Variants in TAF3 observed in about 807,000 individuals in gnomAD.
The protein encoded by TAF3 is transcription initiation factor TFIID subunit 3.
TAF3 carries 7 observed loss-of-function variants against 80.6 expected under a neutral mutation model. The observed-to-expected ratio is 0.09, with a 90% CI of 0.05 to 0.16. The LOEUF is 0.16. Ranked by LOEUF, TAF3 falls within the 10% of genes least tolerant of loss-of-function variation. The pLI is 1.00. For missense variants in TAF3, 921 were observed against 1,140.2 expected (o/e 0.81, Z 2.77); for synonymous variants, 444 against 446.1 (o/e 1.00, Z 0.06).
At chr10:7,858,878 A>G (rs756686597) in intron 2 of TAF3, among the ~76,000 whole-genome samples, 1 of 152,106 alleles carries the variant, frequency 6.6e-6, no homozygotes, top group African/African-American at 2.4e-5. Context: ...GTGTGTGCAT[A>G]TGAACATGTG....
At chr10:7,832,085 A>G (rs1433434947) in intron 2 of TAF3, among the ~76,000 whole-genome samples, 1 of 152,132 alleles carries the variant, frequency 6.6e-6, no homozygotes, top group African/African-American at 2.4e-5. Flanking sequence ...CAAATGTGTA[A>G]TACATTATTA....
chr10:7,953,123 A>T (rs1361372437), intron 2 of TAF3, among the ~76,000 whole-genome samples: 1 of 149,260 alleles, frequency 6.7e-6, no homozygotes, highest in African/African-American at 2.5e-5. Context: ...TGGTAGTAAT[A>T]CCCCGTGTTC....
intron 4 of TAF3, among the ~76,000 whole-genome samples, chr10:7,987,695 GA>G (rs1328842280): frequency 6.6e-6 from 1 of 152,206 alleles, no homozygotes; most frequent in African/African-American, 2.4e-5. Flanking sequence ...AAGAATTAGT[GA>G]AATCCTATTG....
intron 5 of TAF3, among the ~76,000 whole-genome samples, chr10:8,011,857 A>T (rs1367862544): frequency 6.6e-6 from 1 of 152,192 alleles, no homozygotes; most frequent in Non-Finnish European, 1.5e-5. Flanking sequence ...CCTGGAGATG[A>T]GTCCAACTGG....
intron 2 of TAF3, among the ~76,000 whole-genome samples, chr10:7,910,657 A>T (rs985152925): frequency 1.3e-5 from 2 of 152,208 alleles, no homozygotes; most frequent in African/African-American, 4.8e-5. Flanking sequence ...CTGGGATTAC[A>T]GGTGTGAGCC....
intron 4 of TAF3, among the ~76,000 whole-genome samples, chr10:7,999,558 G>A (rs1278607744): frequency 6.6e-6 from 1 of 150,766 alleles, no homozygotes; most frequent in Non-Finnish European, 1.5e-5. Context: ...CCAGGTTCAA[G>A]CAGTTCTCCC....
At chr10:7,958,419 A>T (rs1395417244) in intron 2 of TAF3, among the ~76,000 whole-genome samples, 1 of 152,202 alleles carries the variant, frequency 6.6e-6, no homozygotes, top group African/African-American at 2.4e-5. Flanking sequence ...TTTCTGCAGC[A>T]GTGAAAATAA....
intron 2 of TAF3, among the ~76,000 whole-genome samples, chr10:7,845,953 G>GTTT (rs1400264142): frequency 7.7e-6 from 1 of 129,846 alleles, no homozygotes; most frequent in African/African-American, 2.8e-5. Context: ...TGGTTTGTGT[G>GTTT]TTTTTGTTTT....
intron 4 of TAF3, among the ~76,000 whole-genome samples, chr10:7,980,116 G>A (rs1035388010): frequency 6.6e-6 from 1 of 151,962 alleles, no homozygotes; most frequent in African/African-American, 2.4e-5. Flanking sequence ...ACCTTGGGGG[G>A]GAATAATACT....
chr10:7,949,257 T>C (rs140543994), intron 2 of TAF3, among the ~76,000 whole-genome samples: 1 of 152,304 alleles, frequency 6.6e-6, no homozygotes, highest in African/African-American at 2.4e-5. Flanking sequence ...TGTAACGAAA[T>C]GCTGCCTTAA....
At chr10:8,007,550 C>G (rs1324127786) in intron 4 of TAF3, among the ~76,000 whole-genome samples, 1 of 119,768 alleles carries the variant, frequency 8.3e-6, no homozygotes, top group South Asian at 2.8e-4. Flanking sequence ...ATTGTTTTCT[C>G]TGTGTGTGAA....
chr10:7,863,627 ATAT>A (rs1171382600), intron 2 of TAF3, among the ~76,000 whole-genome samples: 1 of 48,910 alleles, frequency 2.0e-5, no homozygotes, highest in Non-Finnish European at 3.8e-5. Context: ...AAAAAAAAAA[ATAT>A]ATATATATAT....
Position 8,009,788 on chromosome 10 carries a change from A to AT in TAF3, c.2568+464dup, listed in dbSNP as rs1410170991. Among the ~76,000 whole-genome samples the AT allele has an allele frequency of 6.6e-6, 1 of 150,942 alleles. No individual in the cohort carries two copies. On this transcript the variant is annotated intron_variant, in intron 5 of 6. Transcript: ENST00000344293. The surrounding 1 kb of genome is among the most constrained non-coding windows in gnomAD (Gnocchi z 4.1). ...AGGCACGTGCCACCACACCTGGCCAATTTTTTGTATTTTTAGTAGAAACGG... is the reference window on the plus strand; with the variant it reads ...AGGCACGTGCCACCACACCTGGCCAATTTTTTTGTATTTTTAGTAGAAACGG...
intron 4 of TAF3, among the ~76,000 whole-genome samples, chr10:8,003,024 C>G (rs1831958573): frequency 6.6e-6 from 1 of 152,146 alleles, no homozygotes; most frequent in Admixed American, 6.5e-5. Context: ...TTTATAGCCT[C>G]TCACTTTCAG....
intron 2 of TAF3, among the ~76,000 whole-genome samples, chr10:7,828,148 G>A (rs1325909698): frequency 2.0e-5 from 3 of 152,142 alleles, no homozygotes; most frequent in Admixed American, 6.5e-5. Flanking sequence ...CAGGAAGATC[G>A]CTTGAGCCCA....
chr10:7,954,184 A>G (rs1838112118), intron 2 of TAF3, among the ~76,000 whole-genome samples: 1 of 138,690 alleles, frequency 7.2e-6, no homozygotes, highest in Non-Finnish European at 1.6e-5. Context: ...TGCACTCCAT[A>G]TATGAATGAG....
intron 2 of TAF3, among the ~76,000 whole-genome samples, chr10:7,839,924 A>G (rs979569567): frequency 3.9e-5 from 6 of 152,170 alleles, no homozygotes; most frequent in Non-Finnish European, 8.8e-5. Context: ...CCCAGCATAC[A>G]CAGATTGAGA....
intron 2 of TAF3, among the ~76,000 whole-genome samples, chr10:7,943,127 G>A (rs1303024860): frequency 6.6e-6 from 1 of 152,292 alleles, no homozygotes; most frequent in Non-Finnish European, 1.5e-5. Flanking sequence ...CAATCCTGTG[G>A]TTCCGGTTCC....
At chr10:7,853,982 A>T (rs1012018972) in intron 2 of TAF3, among the ~76,000 whole-genome samples, 6 of 152,178 alleles carry the variant, frequency 3.9e-5, no homozygotes, top group Admixed American at 3.3e-4. Flanking sequence ...TTTATTTGTA[A>T]ATTATGTGCT....
Sources: gnomAD v4.1 joint callset for allele counts (sites outside exome capture counted in the v4.1 genomes callset) on GRCh38, gnomAD v4.1.1 for gene constraint, Gnocchi (gnomAD v3.1) non-coding constraint, MANE v1.5 for transcripts, NCBI Gene and HGNC (gene_info 2026-07-23, HGNC 2026-07-21) for gene names.